RNF125: variants seen among roughly 807,000 people sequenced by gnomAD.
RNF125 encodes the protein ring finger protein 125, also known as E3 ubiquitin-protein ligase RNF125.
In RNF125, 21 loss-of-function variants were observed where a neutral mutation model predicts 26.0. That is an observed-to-expected ratio of 0.81 (90% CI 0.57 to 1.16). The LOEUF (loss-of-function observed/expected upper bound fraction) is 1.16, where lower values mean the gene tolerates loss of function less well. RNF125 is among the 50% of genes most tolerant of loss of function. The pLI is 0.00. For missense variants in RNF125, 270 were observed against 299.4 expected (o/e 0.90, Z 0.72); for synonymous variants, 95 against 109.2 (o/e 0.87, Z 0.81).
chr18:32,065,734 T>C (rs895526560), intron 4 of RNF125, among the ~76,000 whole-genome samples, 168 bp from the exon 5 acceptor site: 1 of 152,152 alleles, frequency 6.6e-6, no homozygotes, highest in Non-Finnish European at 1.5e-5. Context: ...CGTTTCACCA[T>C]GTTGGCCAGG....
At chr18:32,086,812 C>T in the RNF125 span, among the ~76,000 whole-genome samples, 4 of 152,150 alleles carry the variant, frequency 2.6e-5, no homozygotes, top group Admixed American at 2.0e-4. Context: ...AGCCACCATG[C>T]CTGGCCTCTA....
intron 4 of RNF125, among the ~76,000 whole-genome samples, chr18:32,055,368 T>C (rs1244467640): frequency 6.6e-6 from 1 of 151,590 alleles, no homozygotes; most frequent in African/African-American, 2.4e-5. Context: ...AACATCTTGC[T>C]CCCGGTATTC....
the RNF125 span, among the ~76,000 whole-genome samples, chr18:32,084,038 A>G: frequency 2.5e-3 from 386 of 152,060 alleles, 1 homozygote; most frequent in Middle Eastern, 0.017. Context: ...TTTAGCTTCA[A>G]ATTTAAATGT....
rs977954664 is a variant in RNF125 at position 32,069,508 on chromosome 18, G to A, written c.*1124G>A. On this transcript the variant is annotated 3_prime_UTR_variant, in exon 6 of 6. Coordinates refer to ENST00000217740, the MANE Select transcript of RNF125 (RefSeq NM_017831.4). The stretch of plus-strand genomic sequence containing the variant: ...TTAAAAATTATGAAATAAAAGTACT[G>A]AAAACCAGACACAAAATTTATAGCT... The A allele has an allele frequency of 1.3e-5, 2 of 152,022 alleles. No homozygotes were observed. The highest frequency in any genetic ancestry group is 2.9e-5 in the Non-Finnish European group (2 of 68,014). 9.4% of individuals were successfully genotyped at this position (152,022 alleles called of 1,614,324 possible).
At chr18:32,048,283 G>A (rs575558454) in intron 4 of RNF125, among the ~76,000 whole-genome samples, 1,616 of 150,362 alleles carry the variant, frequency 0.011, 36 homozygotes, top group African/African-American at 0.038. Flanking sequence ...AAAATTAGCC[G>A]GGTGTGGTGG....
At chr18:32,076,303 GT>G (rs200332934), downstream of RNF125, 19 of 308,840 alleles carry the variant, frequency 6.2e-5, no homozygotes, top group South Asian at 1.4e-4. Flanking sequence ...GTGGAAAGAG[GT>G]TTTTTTTGGT....
chr18:32,046,214 CAAAAAAAAAAAA>C (rs768054716), intron 4 of RNF125, among the ~76,000 whole-genome samples: 1 of 76,176 alleles, frequency 1.3e-5, no homozygotes, highest in Non-Finnish European at 2.3e-5. Context: ...AAGACTGTCT[CAAAAAAAAAAAA>C]AAAAAAAAAA....
At chr18:32,054,002 A>G (rs2039354906) in intron 4 of RNF125, among the ~76,000 whole-genome samples, 1 of 151,420 alleles carries the variant, frequency 6.6e-6, no homozygotes, top group Non-Finnish European at 1.5e-5. Flanking sequence ...TAGGAAATGC[A>G]TCCTAATAGA....
chr18:32,080,826 A>C, the RNF125 span, among the ~76,000 whole-genome samples: 1 of 152,256 alleles, frequency 6.6e-6, no homozygotes, highest in Non-Finnish European at 1.5e-5. Flanking sequence ...CAGTGAGCCA[A>C]GATGGCGCCA....
At chr18:32,028,173 C>T (rs952986600) in intron 1 of RNF125, among the ~76,000 whole-genome samples, 1 of 151,608 alleles carries the variant, frequency 6.6e-6, no homozygotes, top group African/African-American at 2.4e-5. Flanking sequence ...TGGCGGGTGC[C>T]TGTAGTCCCA....
intron 4 of RNF125, among the ~76,000 whole-genome samples, chr18:32,064,226 C>G (rs2039461194): frequency 6.6e-6 from 1 of 151,662 alleles, no homozygotes; most frequent in African/African-American, 2.4e-5. Context: ...GAACTCCTAC[C>G]TCAAGTGATC....
the RNF125 span, among the ~76,000 whole-genome samples, chr18:32,082,618 C>T: frequency 5.3e-5 from 8 of 152,270 alleles, no homozygotes; most frequent in East Asian, 1.9e-4. Context: ...TGCTAAGGAA[C>T]GGAAACTCTA....
intron 2 of RNF125, 73 bp downstream of exon 2, chr18:32,037,342 C>T: frequency 1.4e-6 from 1 of 719,938 alleles, no homozygotes; most frequent in South Asian, 2.5e-5. Flanking sequence ...TTCACCTCTG[C>T]TTCTGACCCC....
At chr18:32,052,945 T>A (rs922387680) in intron 4 of RNF125, among the ~76,000 whole-genome samples, 1 of 152,238 alleles carries the variant, frequency 6.6e-6, no homozygotes, top group African/African-American at 2.4e-5. Flanking sequence ...CTTGCATATA[T>A]GCTATTAGAA....
chr18:32,074,989 T>C (rs898162559), downstream of RNF125, among the ~76,000 whole-genome samples: 1 of 152,246 alleles, frequency 6.6e-6, no homozygotes. Flanking sequence ...CCAAATATGT[T>C]CTCTGTCCCT....
At chr18:32,043,696 A>G (rs1191859719) in intron 3 of RNF125, among the ~76,000 whole-genome samples, 1 of 152,168 alleles carries the variant, frequency 6.6e-6, no homozygotes, top group Non-Finnish European at 1.5e-5. Flanking sequence ...TTGAATCCCA[A>G]TTTCTTTTAC....
rs565156717 is a variant in RNF125, at chr18:32,049,594, G to T, written c.504+3862G>T. On this transcript the variant is annotated intron_variant, in intron 4 of 5. Transcript: ENST00000217740. ...CCACATGGGGTGGTGGTGTGAGTCG[G>T]GGGGGTGGCGGGGAGGAGGAGGATG... Among the ~76,000 whole-genome samples the T allele has an allele frequency of 2.6e-5, 4 of 152,084 alleles. No homozygotes were observed. The South Asian group carries it at 8.3e-4, about 32-fold the overall frequency.
At chr18:32,044,736 A>G (rs2039251822) in intron 3 of RNF125, among the ~76,000 whole-genome samples, 1 of 152,072 alleles carries the variant, frequency 6.6e-6, no homozygotes, top group Non-Finnish European at 1.5e-5. Flanking sequence ...AATTCACATA[A>G]CATTTAGATG....
chr18:32,018,922 G>A lies in RNF125; in HGVS notation c.59G>A (p.Arg20Gln), dbSNP rs1224563297. ...GKSAPASATA[R>Q]ALERRRDPEL... ...TCGGCGCCCGCCTCTGCCACCGCGC[G>A]GGCCCTGGAGCGCAGGAGGGACCCG... The change falls in exon 1 of 6, where the codon CGG (arginine) becomes CAG (glutamine). Residue 20 changes from arginine to glutamine, a missense_variant. Coordinates refer to ENST00000217740, the MANE Select transcript of RNF125 (RefSeq NM_017831.4). 6.2e-7 allele frequency: 1 copy of A among 1,610,802 alleles called. No homozygotes were observed. Among genetic ancestry groups the A allele is most frequent in the Non-Finnish European group, 8.5e-7 (1 of 1,178,686 alleles).
Sources: gnomAD v4.1 joint callset for allele counts (sites outside exome capture counted in the v4.1 genomes callset) on GRCh38, gnomAD v4.1.1 for gene constraint, MANE v1.5 for transcripts, NCBI Gene and HGNC (gene_info 2026-07-23, HGNC 2026-07-21) for gene names.